Variants in RBFOX1 observed in about 807,000 individuals in gnomAD.
The protein encoded by RBFOX1 is RNA binding fox-1 homolog 1.
Under a neutral mutation model 57.7 loss-of-function variants are expected in RBFOX1, and 8 were observed. That is an observed-to-expected ratio of 0.14 (90% confidence interval 0.08 to 0.25). The LOEUF is 0.25. RBFOX1 is among the 10% of genes least tolerant of loss of function. The pLI, the probability that RBFOX1 is intolerant of heterozygous loss-of-function variation, is 1.00. For missense variants in RBFOX1, 611 were observed against 548.5 expected (o/e 1.11, Z -1.14); for synonymous variants, 326 against 222.4 (o/e 1.47, Z -4.15).
At chr16:6,666,059 T>A (rs2098730754) in intron 3 of RBFOX1, among the ~76,000 whole-genome samples, 11 of 152,204 alleles carry the variant, frequency 7.2e-5, no homozygotes, top group Admixed American at 7.2e-4. Flanking sequence ...CCCTTTCGCT[T>A]GTTTTTCATT....
At chr16:5,890,057 T>A (rs1409512215) in intron 4 of RBFOX1, among the ~76,000 whole-genome samples, 2 of 152,186 alleles carry the variant, frequency 1.3e-5, no homozygotes, top group Non-Finnish European at 2.9e-5. Flanking sequence ...CAGTTCCGTG[T>A]GTTCCAGCTT....
At chr16:7,420,038 C>T (rs775100963) in intron 4 of RBFOX1, among the ~76,000 whole-genome samples, 2 of 150,026 alleles carry the variant, frequency 1.3e-5, no homozygotes, top group Admixed American at 6.7e-5. Context: ...TATGTTGTCA[C>T]TGTTTCTTTT....
chr16:5,245,887 A>G (rs944112944), intron 1 of RBFOX1, among the ~76,000 whole-genome samples: 4 of 152,236 alleles, frequency 2.6e-5, no homozygotes, highest in Non-Finnish European at 5.9e-5. Flanking sequence ...ACCAAAACAT[A>G]TTAGAGAAAT....
At chr16:7,344,844 C>T (rs1388150585) in intron 4 of RBFOX1, among the ~76,000 whole-genome samples, 1 of 152,214 alleles carries the variant, frequency 6.6e-6, no homozygotes, top group Non-Finnish European at 1.5e-5. Context: ...TCTCCCCATC[C>T]TCCATGGGGA....
chr16:7,371,436 AAG>A (rs1335840362), intron 4 of RBFOX1, among the ~76,000 whole-genome samples: 3 of 152,188 alleles, frequency 2.0e-5, no homozygotes, highest in Non-Finnish European at 4.4e-5. Context: ...AGAAAGAAAA[AAG>A]CACCATTGTG....
intron 3 of RBFOX1, among the ~76,000 whole-genome samples, chr16:6,665,946 G>T (rs1266285458): frequency 3.3e-5 from 5 of 152,044 alleles, no homozygotes; most frequent in African/African-American, 1.2e-4. Flanking sequence ...GTTGTGAGAG[G>T]GACCTGGTAG....
At chr16:6,550,777 T>C (rs561457657) in intron 2 of RBFOX1, among the ~76,000 whole-genome samples, 3 of 152,370 alleles carry the variant, frequency 2.0e-5, no homozygotes, top group East Asian at 3.9e-4. Context: ...ATTTATGTCT[T>C]TCTTGAGAAA....
intron 1 of RBFOX1, among the ~76,000 whole-genome samples, chr16:6,244,536 C>G (rs2097558378): frequency 1.3e-5 from 2 of 152,170 alleles, no homozygotes; most frequent in South Asian, 4.1e-4. Context: ...TGGAGTCTCC[C>G]TCTGTAGCCC....
Position 6,662,359 on chromosome 16 carries a change from A to G in RBFOX1, c.-16+7709A>G, listed in dbSNP as rs926326873. Among the ~76,000 whole-genome samples the G allele has an allele frequency of 8.5e-5, 13 of 152,336 alleles. No individual in the cohort carries two copies. In the East Asian group the frequency reaches 2.1e-3, roughly 25 times the overall value. On this transcript the variant is annotated intron_variant, in intron 3 of 15. Transcript: ENST00000550418. ...GTAGTAATCATTTCATGATATACAC[A>G]TGTATCAAAAGGTCACATTGTATCT...
chr16:5,412,952 C>T (rs192688180), intron 1 of RBFOX1, among the ~76,000 whole-genome samples: 29 of 152,354 alleles, frequency 1.9e-4, no homozygotes, highest in African/African-American at 7.0e-4. Context: ...TGAAACAACA[C>T]ATCTCACTCG....
chr16:6,588,489 C>A (rs750182215), intron 2 of RBFOX1, among the ~76,000 whole-genome samples: 3 of 151,858 alleles, frequency 2.0e-5, no homozygotes, highest in Non-Finnish European at 1.5e-5. Context: ...CTCGCATACA[C>A]CAAACATACA....
At chr16:6,843,392 A>G (rs865902669) in intron 3 of RBFOX1, among the ~76,000 whole-genome samples, 4 of 152,136 alleles carry the variant, frequency 2.6e-5, no homozygotes, top group Admixed American at 6.5e-5. Flanking sequence ...TCTTATTTTC[A>G]GTTAATAAAG....
Position 5,405,437 on chromosome 16 carries a change from G to A in RBFOX1, c.220-61779G>A, listed in dbSNP as rs186366669. ...TCTTTTGCCTATTGCCATGTAAGAT[G>A]TGCCTTTTGCCTTCTGCCATGATTG... On this transcript the variant is annotated intron_variant, in intron 1 of 2. Coordinates refer to the RBFOX1 transcript ENST00000585867. Among the ~76,000 whole-genome samples the A allele has an allele frequency of 2.1e-3, 325 of 152,334 alleles. 1 individual carries two copies. The highest frequency in any genetic ancestry group is 5.0e-3 in the Admixed American group (76 of 15,300).
chr16:6,732,249 G>A (rs2068804312), intron 3 of RBFOX1, among the ~76,000 whole-genome samples: 1 of 152,186 alleles, frequency 6.6e-6, no homozygotes, highest in Non-Finnish European at 1.5e-5. Context: ...CTGGATTACA[G>A]TGGTGTTAGA....
At chr16:7,597,919 G>A (rs1238696129) in intron 9 of RBFOX1, among the ~76,000 whole-genome samples, 1 of 152,150 alleles carries the variant, frequency 6.6e-6, no homozygotes, top group Admixed American at 6.5e-5. Flanking sequence ...AGCAGAATGT[G>A]TGAGTGGGTT....
rs58761346 is a variant in RBFOX1, at chr16:7,306,580, CGTGTGT to C, written c.28-211548_28-211543del. 3.3e-3 allele frequency among the ~76,000 whole-genome samples: 489 copies of C among 149,036 alleles called. 1 individual carries two copies. Among genetic ancestry groups the C allele is most frequent in the Non-Finnish European group, 5.5e-3 (371 of 67,052 alleles). On this transcript the variant is annotated intron_variant, in intron 4 of 15. Coordinates refer to ENST00000550418, the MANE Select transcript of RBFOX1 (RefSeq NM_018723.4). ...TATGACATAATGTGGGAATGGTGTG[CGTGTGT>C]GTGTGTGTGTGTGTGTGTATTTTCT...
At chr16:6,039,235 A>C (rs879737397) in intron 1 of RBFOX1, among the ~76,000 whole-genome samples, 11 of 150,582 alleles carry the variant, frequency 7.3e-5, no homozygotes, top group Admixed American at 7.3e-4. Flanking sequence ...GCAGGACAAG[A>C]GGTGTCAATG....
chr16:6,019,974 G>C lies in RBFOX1; in HGVS notation c.-145G>C. On this transcript the variant is annotated 5_prime_UTR_variant, in exon 1 of 16. Coordinates refer to ENST00000550418, the MANE Select transcript of RBFOX1 (RefSeq NM_018723.4). The surrounding 1 kb of genome is among the most constrained non-coding windows in gnomAD (Gnocchi z 4.2). ...GGGGCCGAGAACGTGACCGCAGCCG[G>C]GCTCGCCGGGAGTTCTAGGTAAGTC... 7.2e-6 allele frequency: 11 copies of C among 1,530,354 alleles called. No homozygotes were observed. In the South Asian group the frequency reaches 1.3e-4, roughly 18 times the overall value. 94.8% of individuals were successfully genotyped at this position (1,530,354 alleles called of 1,614,324 possible). A position where few individuals can be genotyped will look rare whatever the true frequency, so the allele number is the denominator to read the frequency against.
chr16:7,429,411 C>G (rs541504795), intron 4 of RBFOX1, among the ~76,000 whole-genome samples: 1 of 152,352 alleles, frequency 6.6e-6, no homozygotes, highest in East Asian at 1.9e-4. Context: ...CCTGGCTAGC[C>G]CATCAAAAGT....
Sources: gnomAD v4.1 joint callset for allele counts (sites outside exome capture counted in the v4.1 genomes callset) on GRCh38, gnomAD v4.1.1 for gene constraint, Gnocchi (gnomAD v3.1) non-coding constraint, MANE v1.5 for transcripts, NCBI Gene and HGNC (gene_info 2026-07-23, HGNC 2026-07-21) for gene names.